KIF1B: variants seen among roughly 807,000 people sequenced by gnomAD.
KIF1B encodes kinesin family member 1B, also known as kinesin-like protein KIF1B.
In KIF1B, 76 loss-of-function variants were observed where a neutral mutation model predicts 241.9. The observed-to-expected ratio is 0.31, with a 90% CI of 0.26 to 0.38. The LOEUF is 0.38. Ranked by LOEUF, KIF1B falls within the 10% of genes least tolerant of loss-of-function variation. The pLI, the probability that KIF1B is intolerant of heterozygous loss-of-function variation, is 1.00. For synonymous variants in KIF1B, 750 were observed against 796.7 expected, an observed-to-expected ratio of 0.94 and a Z score of 0.99; for missense variants, 1,622 against 2,271.4, an observed-to-expected ratio of 0.71 and a Z score of 5.81.
chr1:10,263,089 C>T lies in KIF1B; in HGVS notation c.429+1119C>T, dbSNP rs995319695. Among the ~76,000 whole-genome samples, 7 of 151,910 alleles carry T rather than the reference C, an allele frequency of 4.6e-5. No individual in the cohort carries two copies. In the South Asian group the frequency reaches 6.2e-4, roughly 13 times the overall value. ...CTTGAGGCCAGGAGTTTGAGACCAGCGTGGCCAACCTGGCAAAACCCTGTC... is the reference window on the plus strand; with the variant it reads ...CTTGAGGCCAGGAGTTTGAGACCAGTGTGGCCAACCTGGCAAAACCCTGTC... On this transcript the variant is annotated intron_variant, in intron 5 of 48. Coordinates refer to ENST00000676179, the MANE Select transcript of KIF1B (RefSeq NM_001365951.3).
At chr1:10,334,669 T>C in intron 28 of KIF1B, 31 bp downstream of exon 28, 2 of 1,526,186 alleles carry the variant, frequency 1.3e-6, no homozygotes, top group Non-Finnish European at 1.8e-6. Context: ...ATGAGAGCTG[T>C]GAGTTCTTTG....
chr1:10,292,126 G>A lies in KIF1B; in HGVS notation c.1590+4G>A. 1 of 1,611,788 alleles carries A rather than the reference G, an allele frequency of 6.2e-7. No homozygotes were observed. ...AGGGGTTTTCTCACCTAAAAAGGTA[G>A]GAAACAATGCTGTGAAACCTAATCA... is the stretch of plus-strand genomic sequence containing the variant. On this transcript the variant is annotated splice_donor_region_variant and intron_variant, in intron 17 of 48. Transcript: ENST00000676179.
rs140671395 is a variant in KIF1B, at chr1:10,350,308, C to G, written c.3949+1575C>G. ...GGCGTGGTGGCTCATGCCTGTAATCCCAGCACTTTGGGAGGCCAAGATGGG... is the reference window on the plus strand; with the variant it reads ...GGCGTGGTGGCTCATGCCTGTAATCGCAGCACTTTGGGAGGCCAAGATGGG... On this transcript the variant is annotated intron_variant, in intron 37 of 48. Transcript: ENST00000676179. Among the ~76,000 whole-genome samples the G allele has an allele frequency of 9.9e-3, 1,501 of 151,750 alleles. 18 individuals are homozygous for G. The highest frequency in any genetic ancestry group is 0.034 in the African/African-American group (1,405 of 41,312).
rs537328656 is a variant in KIF1B at position 10,329,604 on chromosome 1, G to T, written c.2924+3245G>T. Among the ~76,000 whole-genome samples, 81 of 152,204 alleles carry T rather than the reference G, an allele frequency of 5.3e-4. 2 individuals carry two copies. The South Asian group carries it at 7.1e-3, about 13-fold the overall frequency. ...AAATATTAGCCAGGCATGGTGGTTT[G>T]TGCCTGTAATCCCAGCTACTCAGGA... is the stretch of plus-strand genomic sequence containing the variant. On this transcript the variant is annotated intron_variant, in intron 27 of 48. Coordinates refer to ENST00000676179, the MANE Select transcript of KIF1B (RefSeq NM_001365951.3).
Position 10,256,346 on chromosome 1 carries a change from A to G in KIF1B, c.183+23A>G, listed in dbSNP as rs368660611. 8 of 1,490,574 alleles carry G rather than the reference A, an allele frequency of 5.4e-6. No homozygotes were observed. In the African/African-American group the frequency reaches 1.1e-4, roughly 21 times the overall value. The allele number at this position is 1,490,574 out of a possible 1,614,324, so 92.3% of individuals were successfully genotyped here. On this transcript the variant is annotated intron_variant, in intron 3 of 48. Coordinates refer to ENST00000676179, the MANE Select transcript of KIF1B (RefSeq NM_001365951.3). ...TCAGTGAGTACCCTCATGCCACAGC[A>G]CTGCCAGCTCCTGCCTCCTTTCCTC...
In KIF1B at chr1:10,378,681, C is replaced by T; in HGVS notation, c.*2094C>T. 4.2e-6 allele frequency: 2 copies of T among 472,664 alleles called. No individual in the cohort carries two copies. Among genetic ancestry groups the T allele is most frequent in the South Asian group, 5.0e-5 (2 of 39,616 alleles). 29.3% of individuals were successfully genotyped at this position (472,664 alleles called of 1,614,324 possible). A position where few individuals can be genotyped will look rare whatever the true frequency, so the allele number is the denominator to read the frequency against. On this transcript the variant is annotated 3_prime_UTR_variant, in exon 49 of 49. Transcript: ENST00000676179. ...CTCTGCAGAGTTGTTGCTAGGGAGACTTGTGTCATCATCCACAACCTTGTT... is the reference window on the plus strand; with the variant it reads ...CTCTGCAGAGTTGTTGCTAGGGAGATTTGTGTCATCATCCACAACCTTGTT...
At chr1:10,247,927 A>C (rs1647256166) in intron 2 of KIF1B, among the ~76,000 whole-genome samples, 1 of 152,134 alleles carries the variant, frequency 6.6e-6, no homozygotes, top group African/African-American at 2.4e-5. Context: ...GGCAACCTAG[A>C]TCCCTCACAT....
intron 22 of KIF1B, among the ~76,000 whole-genome samples, chr1:10,297,837 G>C (rs1392836819): frequency 6.6e-6 from 1 of 151,880 alleles, no homozygotes; most frequent in African/African-American, 2.4e-5. Flanking sequence ...TGGGAGCAAA[G>C]GCTGCATACC....
chr1:10,310,866 T>C (rs1651035916), intron 22 of KIF1B, among the ~76,000 whole-genome samples: 1 of 151,534 alleles, frequency 6.6e-6, no homozygotes, highest in Admixed American at 6.6e-5. Flanking sequence ...CCTTTGGGAA[T>C]GAAAAGTGGC....
intron 38 of KIF1B, among the ~76,000 whole-genome samples, chr1:10,358,780 G>A (rs1638331909): frequency 6.6e-6 from 1 of 151,656 alleles, no homozygotes; most frequent in Non-Finnish European, 1.5e-5. Context: ...ATTAGAATAT[G>A]TCTTAAACCA....
intron 1 of KIF1B, among the ~76,000 whole-genome samples, chr1:10,219,647 A>G (rs1017756757): frequency 2.0e-5 from 3 of 151,572 alleles, no homozygotes; most frequent in Non-Finnish European, 4.4e-5. Flanking sequence ...AATCCCAGCT[A>G]CTCGGGAGGC....
intron 38 of KIF1B, among the ~76,000 whole-genome samples, chr1:10,354,288 A>G (rs75609296): frequency 0.029 from 4,400 of 152,284 alleles, 65 homozygotes; most frequent in African/African-American, 0.039. Context: ...TTTGCTGGAA[A>G]GCCATGGCCT....
chr1:10,348,808 C>G, intron 37 of KIF1B, 75 bp downstream of exon 37: 1 of 1,059,442 alleles, frequency 9.4e-7, no homozygotes, highest in African/African-American at 1.6e-5. Context: ...TAGGGTCTTG[C>G]TCTGTCACCC....
chr1:10,226,426 A>C (rs796843695), intron 1 of KIF1B, among the ~76,000 whole-genome samples: 2 of 152,350 alleles, frequency 1.3e-5, no homozygotes, highest in African/African-American at 4.8e-5. Flanking sequence ...TTACAAATAC[A>C]TAGTACTTTA....
chr1:10,297,830 G>C (rs982212746), intron 22 of KIF1B, among the ~76,000 whole-genome samples: 12 of 152,128 alleles, frequency 7.9e-5, no homozygotes, highest in African/African-American at 2.9e-4. Context: ...GTAGCGGTGG[G>C]AGCAAAGGCT....
At position 10,313,590 on chromosome 1, in the gene KIF1B, G is replaced by A. The variant is rs1331638175; in HGVS notation, c.2116-6453G>A. Among the ~76,000 whole-genome samples, 78 of 129,510 alleles carry A rather than the reference G, an allele frequency of 6.0e-4. 1 individual carries two copies. Among genetic ancestry groups the A allele is most frequent in the African/African-American group, 2.2e-3 (74 of 33,058 alleles). The allele number at this position is 129,510 out of a possible 152,430, so 85.0% of individuals were successfully genotyped here. A position where few individuals can be genotyped will look rare whatever the true frequency, so the allele number is the denominator to read the frequency against. ...TTTTGAGATGGAGTCTCGCTCTGTCGCCCAGGCTGGAGTGCAGTGGCGCAA... is the reference window on the plus strand; with the variant it reads ...TTTTGAGATGGAGTCTCGCTCTGTCACCCAGGCTGGAGTGCAGTGGCGCAA... On this transcript the variant is annotated intron_variant, in intron 22 of 48. Coordinates refer to ENST00000676179, the MANE Select transcript of KIF1B (RefSeq NM_001365951.3).
Position 10,291,067 on chromosome 1 carries a change from C to T in KIF1B, c.1435-15C>T, listed in dbSNP as rs371838261. On this transcript the variant is annotated splice_polypyrimidine_tract_variant and intron_variant, in intron 15 of 48. Coordinates refer to ENST00000676179, the MANE Select transcript of KIF1B (RefSeq NM_001365951.3). The stretch of plus-strand genomic sequence containing the variant: ...AAGACTCTTTGCCTCTTTAACTGTG[C>T]GCTTCCTTCCTTAGGAATCAGAGAA... The T allele has an allele frequency of 2.7e-4, 431 of 1,605,408 alleles. No individual in the cohort carries two copies. The highest frequency in any genetic ancestry group is 1.6e-4 in the Middle Eastern group (1 of 6,070).
chr1:10,277,979 G>C lies in KIF1B; in HGVS notation c.1038-7G>C. 1 of 1,613,152 alleles carries C rather than the reference G, an allele frequency of 6.2e-7. No individual in the cohort carries two copies. The highest frequency in any genetic ancestry group is 8.5e-7 in the Non-Finnish European group (1 of 1,179,442). On this transcript the variant is annotated splice_region_variant and splice_polypyrimidine_tract_variant and intron_variant, in intron 12 of 48. Coordinates refer to ENST00000676179, the MANE Select transcript of KIF1B (RefSeq NM_001365951.3). The stretch of plus-strand genomic sequence containing the variant: ...ATGACAAGAACAAATTTTCTTTTTG[G>C]ATCTAGATATGCAGATCGTGCAAAA...
chr1:10,254,146 G>C (rs1199198672), intron 2 of KIF1B, among the ~76,000 whole-genome samples: 1 of 152,234 alleles, frequency 6.6e-6, no homozygotes, highest in Non-Finnish European at 1.5e-5. Flanking sequence ...GTGTGTATGA[G>C]TGAGGGAGAA....
Sources: allele counts gnomAD v4.1 joint callset (sites outside exome capture counted in the v4.1 genomes callset), GRCh38; gene constraint gnomAD v4.1.1; transcripts MANE v1.5; gene names NCBI Gene and HGNC (gene_info 2026-07-23, HGNC 2026-07-21).